Variants in EPB41L4A observed in about 807,000 individuals in gnomAD.
EPB41L4A encodes erythrocyte membrane protein band 4.1 like 4A.
In EPB41L4A, 100 loss-of-function variants were observed where a neutral mutation model predicts 108.6. The observed-to-expected ratio is 0.92, with a 90% confidence interval of 0.78 to 1.09. The LOEUF (loss-of-function observed/expected upper bound fraction) is 1.09, where lower values mean the gene tolerates loss of function less well. Ranked by LOEUF, EPB41L4A falls within the 50% of genes least tolerant of loss-of-function variation. The pLI is 0.00. For missense variants in EPB41L4A, 1,030 were observed against 842.7 expected (o/e 1.22, Z -2.75); for synonymous variants, 319 against 289.0 (o/e 1.10, Z -1.05).
chr5:112,180,107 A>G (rs1355308870), intron 18 of EPB41L4A, among the ~76,000 whole-genome samples: 1 of 152,226 alleles, frequency 6.6e-6, no homozygotes, highest in Non-Finnish European at 1.5e-5. Flanking sequence ...TGCTGCAAGA[A>G]GATAAAAACA....
intron 2 of EPB41L4A, among the ~76,000 whole-genome samples, chr5:112,293,368 T>C (rs55759659): frequency 1.2e-4 from 18 of 152,030 alleles, no homozygotes; most frequent in African/African-American, 4.3e-4. Flanking sequence ...CTCCCTCCTT[T>C]TAATTTAGTT....
At chr5:112,239,228 T>G (rs907995929) in intron 11 of EPB41L4A, among the ~76,000 whole-genome samples, 1 of 152,240 alleles carries the variant, frequency 6.6e-6, no homozygotes, top group Non-Finnish European at 1.5e-5. Flanking sequence ...CATTACTACA[T>G]GCAGGCTTCA....
chr5:112,216,843 T>C (rs1388874975), intron 12 of EPB41L4A, among the ~76,000 whole-genome samples: 12 of 152,230 alleles, frequency 7.9e-5, no homozygotes, highest in Admixed American at 7.8e-4. Flanking sequence ...TCACCAACTT[T>C]AGACTAGGTA....
chr5:112,176,354 C>A (rs1016937088), intron 18 of EPB41L4A, among the ~76,000 whole-genome samples: 2 of 152,122 alleles, frequency 1.3e-5, no homozygotes, highest in Non-Finnish European at 1.5e-5. Flanking sequence ...ATGAAGTAAT[C>A]CATCATCCTT....
intron 12 of EPB41L4A, among the ~76,000 whole-genome samples, chr5:112,154,287 C>T (rs1166441326): frequency 6.6e-6 from 1 of 152,172 alleles, no homozygotes; most frequent in Admixed American, 6.5e-5. Flanking sequence ...CTGTACAACG[C>T]ACTCAGGGCT....
At chr5:112,187,705 GT>G (rs1761495280) in intron 17 of EPB41L4A, among the ~76,000 whole-genome samples, 1 of 152,020 alleles carries the variant, frequency 6.6e-6, no homozygotes. Context: ...GAGTTTTATT[GT>G]GTCCTCTCCC....
intron 12 of EPB41L4A, among the ~76,000 whole-genome samples, chr5:112,146,466 G>A (rs1182663453): frequency 1.3e-5 from 2 of 152,148 alleles, no homozygotes; most frequent in East Asian, 1.9e-4. Flanking sequence ...CGCTGTTTGC[G>A]CTCCCCAAAG....
At chr5:112,263,628 A>C (rs1163124395) in intron 6 of EPB41L4A, 1 of 152,162 alleles carries the variant, frequency 6.6e-6, no homozygotes, top group Non-Finnish European at 1.5e-5. Flanking sequence ...CTGACCATCT[A>C]CTTCAGCAGA....
rs182070706 is a variant in EPB41L4A, at chr5:112,246,522, C to T, written c.796-5712G>A. Among the ~76,000 whole-genome samples the T allele has an allele frequency of 1.2e-3, 181 of 152,228 alleles. 1 individual carries two copies. The highest frequency in any genetic ancestry group is 1.2e-3 in the East Asian group (6 of 5,176). ...CTGGGAACTGGGTCACGCAAACCTG[C>T]CTCTCCTTTTTGGTTCCTAAATAAG... On this transcript the variant is annotated intron_variant, in intron 9 of 22. Transcript: ENST00000261486.
intron 12 of EPB41L4A, among the ~76,000 whole-genome samples, chr5:112,218,090 T>C (rs1561484564): frequency 6.6e-6 from 1 of 152,188 alleles, no homozygotes; most frequent in African/African-American, 2.4e-5. Flanking sequence ...GTGGAGGTAC[T>C]CACAGACAGT....
intron 1 of EPB41L4A, among the ~76,000 whole-genome samples, chr5:112,341,301 C>T (rs1195448854): frequency 2.0e-5 from 3 of 152,144 alleles, no homozygotes; most frequent in African/African-American, 4.8e-5. Flanking sequence ...GATTATAATG[C>T]CTTAACCTTC....
chr5:112,298,996 C>T (rs1451297014), intron 2 of EPB41L4A, among the ~76,000 whole-genome samples: 1 of 152,108 alleles, frequency 6.6e-6, no homozygotes, highest in African/African-American at 2.4e-5. Context: ...TGTAATATCC[C>T]CCATTTCATT....
intron 1 of EPB41L4A, among the ~76,000 whole-genome samples, chr5:112,390,395 T>C (rs930485833): frequency 5.3e-5 from 8 of 152,246 alleles, no homozygotes; most frequent in Admixed American, 4.6e-4. Flanking sequence ...GGAGATTACA[T>C]CCCGCACCTG....
chr5:112,182,881 A>G (rs1761227657), intron 18 of EPB41L4A, among the ~76,000 whole-genome samples: 4 of 150,006 alleles, frequency 2.7e-5, no homozygotes. Flanking sequence ...CAGTTTAATT[A>G]GGTTGCTAAA....
At position 112,405,136 on chromosome 5, in the gene EPB41L4A, G is replaced by T. The variant is rs903434858; in HGVS notation, c.99+13805C>A. Among the ~76,000 whole-genome samples the T allele has an allele frequency of 2.0e-5, 3 of 152,164 alleles. No homozygotes were observed. In the East Asian group the frequency reaches 5.8e-4, roughly 29 times the overall value. On this transcript the variant is annotated intron_variant, in intron 1 of 22. Coordinates refer to ENST00000261486, the MANE Select transcript of EPB41L4A (RefSeq NM_022140.5). Reference sequence around the variant, plus strand: ...AGACTGTGGCTTCCATCTTGAGCTCGCATTCTCTCATATTCTCTCGGGTCA... The same window carrying T: ...AGACTGTGGCTTCCATCTTGAGCTCTCATTCTCTCATATTCTCTCGGGTCA...
intron 12 of EPB41L4A, among the ~76,000 whole-genome samples, chr5:112,227,931 C>T (rs1457802298): frequency 2.0e-5 from 3 of 152,174 alleles, no homozygotes; most frequent in African/African-American, 7.2e-5. Context: ...TATGGGGGGT[C>T]CAGAGCTGTG....
chr5:112,394,882 G>A (rs1761224835), intron 1 of EPB41L4A, among the ~76,000 whole-genome samples: 1 of 152,146 alleles, frequency 6.6e-6, no homozygotes. Flanking sequence ...GCATGGTGCT[G>A]GTACCAAAAC....
At chr5:112,160,723 C>T (rs1216326690), downstream of EPB41L4A, 1 of 154,746 alleles carries the variant, frequency 6.5e-6, no homozygotes, top group African/African-American at 2.4e-5. Context: ...CCCCTCGGTC[C>T]CTCACTGGCA....
intron 1 of EPB41L4A, among the ~76,000 whole-genome samples, chr5:112,409,594 T>C (rs1315190028): frequency 6.6e-6 from 1 of 152,214 alleles, no homozygotes; most frequent in Non-Finnish European, 1.5e-5. Context: ...ATGCCTTCTC[T>C]TTCTCAGATT....
Sources: allele counts gnomAD v4.1 joint callset (sites outside exome capture counted in the v4.1 genomes callset), GRCh38; gene constraint gnomAD v4.1.1; transcripts MANE v1.5; gene names NCBI Gene and HGNC (gene_info 2026-07-23, HGNC 2026-07-21).